The following HS6ST3 variants were observed in gnomAD, a reference collection of about 807,000 sequenced individuals.
HS6ST3 encodes heparan sulfate 6-O-sulfotransferase 3.
HS6ST3 carries 12 observed loss-of-function variants against 36.7 expected under a neutral mutation model. The observed-to-expected ratio is 0.33, with a 90% confidence interval of 0.21 to 0.53. The LOEUF is 0.53. HS6ST3 is among the 20% of genes least tolerant of loss of function. The probability of loss-of-function intolerance (pLI) is 0.95; values close to 1 mark genes in which losing one functional copy is unlikely to be tolerated. For synonymous variants in HS6ST3, 240 were observed against 257.5 expected, an observed-to-expected ratio of 0.93 and a Z score of 0.65; for missense variants, 584 against 640.9, an observed-to-expected ratio of 0.91 and a Z score of 0.96.
chr13:96,279,199 G>A (rs77448449), intron 1 of HS6ST3, among the ~76,000 whole-genome samples: 8,139 of 152,238 alleles, frequency 0.053, 425 homozygotes, highest in African/African-American at 0.14. Flanking sequence ...CACAGATGGT[G>A]AATGTCACAA....
chr13:96,696,299 G>A lies in HS6ST3; in HGVS notation c.708-136191G>A, dbSNP rs377600611. 2.0e-4 allele frequency among the ~76,000 whole-genome samples: 30 copies of A among 152,074 alleles called. 2 individuals are homozygous for A. Among genetic ancestry groups the A allele is most frequent in the South Asian group, 6.2e-4 (3 of 4,826 alleles). On this transcript the variant is annotated intron_variant, in intron 1 of 1. Coordinates refer to ENST00000376705, the MANE Select transcript of HS6ST3 (RefSeq NM_153456.4). ...TCTTGCAGCTGAGTGAGGCACACCC[G>A]GATTATCTAGGATAGTCTCCCTTAT...
intron 1 of HS6ST3, among the ~76,000 whole-genome samples, chr13:96,249,024 C>T (rs1025666034): frequency 1.3e-5 from 2 of 152,126 alleles, no homozygotes; most frequent in African/African-American, 4.8e-5. Context: ...ATTTCCTCCT[C>T]CTGTCTTCTG....
intron 1 of HS6ST3, among the ~76,000 whole-genome samples, chr13:96,418,533 AG>A (rs1364044894): frequency 1.3e-5 from 2 of 152,182 alleles, no homozygotes; most frequent in Non-Finnish European, 2.9e-5. Context: ...AAGCAAGATA[AG>A]CCCTGTCTCC....
chr13:96,581,398 T>A (rs563337277), intron 1 of HS6ST3, among the ~76,000 whole-genome samples: 96 of 152,066 alleles, frequency 6.3e-4, no homozygotes, highest in African/African-American at 2.2e-3. Flanking sequence ...TTTTTGTATT[T>A]TTTTTAGTAG....
intron 1 of HS6ST3, among the ~76,000 whole-genome samples, chr13:96,125,324 T>C (rs2053945366): frequency 1.3e-5 from 2 of 152,182 alleles, no homozygotes; most frequent in South Asian, 4.1e-4. Flanking sequence ...TGGAATGAGT[T>C]AAATAACTTT....
At chr13:96,603,457 T>A (rs2056428580) in intron 1 of HS6ST3, among the ~76,000 whole-genome samples, 1 of 152,262 alleles carries the variant, frequency 6.6e-6, no homozygotes, top group South Asian at 2.1e-4. Context: ...TACATCACAA[T>A]GTATTTCTTG....
chr13:96,339,516 G>T (rs2055119448), intron 1 of HS6ST3, among the ~76,000 whole-genome samples: 1 of 152,212 alleles, frequency 6.6e-6, no homozygotes, highest in South Asian at 2.1e-4. Context: ...GTTTCTAATT[G>T]CCTGAGAGCA....
chr13:96,427,757 G>C (rs1002809244), intron 1 of HS6ST3, among the ~76,000 whole-genome samples: 3 of 152,080 alleles, frequency 2.0e-5, no homozygotes, highest in African/African-American at 7.2e-5. Context: ...GTCTGTTCCA[G>C]GATCGAATCC....
At chr13:96,598,930 A>C (rs564026438) in intron 1 of HS6ST3, among the ~76,000 whole-genome samples, 151 of 152,232 alleles carry the variant, frequency 9.9e-4, no homozygotes, top group Middle Eastern at 3.4e-3. Flanking sequence ...TGAGATGATC[A>C]TATGGTTTTG....
intron 1 of HS6ST3, among the ~76,000 whole-genome samples, chr13:96,216,705 C>T (rs1450253698): frequency 1.3e-5 from 2 of 152,116 alleles, no homozygotes; most frequent in Non-Finnish European, 2.9e-5. Context: ...CCAGAGGAAG[C>T]TTGGAGGCTG....
chr13:96,238,502 G>T (rs1443318472), intron 1 of HS6ST3, among the ~76,000 whole-genome samples: 1 of 152,204 alleles, frequency 6.6e-6, no homozygotes, highest in African/African-American at 2.4e-5. Context: ...TTTTGCAAAT[G>T]CGACCTCATT....
chr13:96,342,950 T>C (rs920425769), intron 1 of HS6ST3, among the ~76,000 whole-genome samples: 3 of 152,224 alleles, frequency 2.0e-5, no homozygotes, highest in African/African-American at 7.2e-5. Flanking sequence ...TCTTGCAACT[T>C]CATGTCTGTA....
intron 1 of HS6ST3, among the ~76,000 whole-genome samples, chr13:96,285,661 T>C (rs2054798048): frequency 6.6e-6 from 1 of 152,148 alleles, no homozygotes; most frequent in East Asian, 1.9e-4. Context: ...TTTGGAGATA[T>C]AAGAGGCGAA....
At position 96,403,278 on chromosome 13, in the gene HS6ST3, A is replaced by G. The variant is rs569202322; in HGVS notation, c.707+311709A>G. Among the ~76,000 whole-genome samples, 51 of 152,302 alleles carry G rather than the reference A, an allele frequency of 3.3e-4. No individual in the cohort carries two copies. The South Asian group carries it at 9.3e-3, about 28-fold the overall frequency. ...ATGTGACTTGAGTACTTACATAACA[A>G]TGAAGTTATTTATGTATGTACAGCC... On this transcript the variant is annotated intron_variant, in intron 1 of 1. Transcript: ENST00000376705.
intron 1 of HS6ST3, among the ~76,000 whole-genome samples, chr13:96,492,206 TG>T (rs924020329): frequency 2.6e-5 from 4 of 152,226 alleles, no homozygotes; most frequent in African/African-American, 9.6e-5. Flanking sequence ...CTTCAGGGGC[TG>T]GGTTCATTCT....
chr13:96,195,160 A>G (rs572751561), intron 1 of HS6ST3, among the ~76,000 whole-genome samples: 2 of 152,338 alleles, frequency 1.3e-5, no homozygotes, highest in African/African-American at 4.8e-5. Context: ...CTTTTTTAAA[A>G]TGTCAAAACT....
chr13:96,432,292 T>C (rs2055619608), intron 1 of HS6ST3, among the ~76,000 whole-genome samples: 1 of 152,236 alleles, frequency 6.6e-6, no homozygotes. Flanking sequence ...TTACATTTAC[T>C]ATACATTTTA....
chr13:96,135,692 C>T (rs757011516), intron 1 of HS6ST3, among the ~76,000 whole-genome samples: 6 of 152,110 alleles, frequency 3.9e-5, no homozygotes, highest in Non-Finnish European at 8.8e-5. Context: ...CTAATAGGGC[C>T]GTTGTTAGGG....
At chr13:96,152,473 G>A (rs1485382025) in intron 1 of HS6ST3, among the ~76,000 whole-genome samples, 1 of 151,840 alleles carries the variant, frequency 6.6e-6, no homozygotes, top group Non-Finnish European at 1.5e-5. Flanking sequence ...GAGTAGCTGG[G>A]ACTACAGGCG....
Sources: gnomAD v4.1 joint callset for allele counts (sites outside exome capture counted in the v4.1 genomes callset) on GRCh38, gnomAD v4.1.1 for gene constraint, MANE v1.5 for transcripts, NCBI Gene and HGNC (gene_info 2026-07-23, HGNC 2026-07-21) for gene names.